The following SYNPR variants were observed in gnomAD, a reference collection of about 807,000 sequenced individuals.
SYNPR encodes synaptoporin.
A neutral mutation model predicts 32.9 loss-of-function variants in SYNPR; 23 were observed. The observed-to-expected ratio is 0.70, with a 90% confidence interval of 0.50 to 0.99. The LOEUF is 0.99. Among genes scored for constraint, SYNPR ranks in the 50% least tolerant of loss-of-function variants. The pLI is 0.00. For synonymous variants in SYNPR, 146 were observed against 135.9 expected, an observed-to-expected ratio of 1.07 and a Z score of -0.52; for missense variants, 318 against 349.3, an observed-to-expected ratio of 0.91 and a Z score of 0.71.
chr3:63,432,111 T>C (rs888974411), intron 2 of SYNPR, among the ~76,000 whole-genome samples: 3 of 152,212 alleles, frequency 2.0e-5, no homozygotes. Context: ...ATAATACCTC[T>C]GAAGCATGTT....
At chr3:63,281,309 A>C (rs572035087) in intron 2 of SYNPR, among the ~76,000 whole-genome samples, 6 of 152,370 alleles carry the variant, frequency 3.9e-5, no homozygotes, top group South Asian at 2.1e-4. Context: ...AGTTTTACAA[A>C]GCAATGGAGA....
intron 2 of SYNPR, among the ~76,000 whole-genome samples, chr3:63,348,699 T>G (rs1333255580): frequency 1.3e-5 from 2 of 152,218 alleles, no homozygotes; most frequent in Non-Finnish European, 2.9e-5. Flanking sequence ...TTCAATTCGT[T>G]TTTTATAGGG....
chr3:63,477,427 T>A lies in SYNPR; in HGVS notation c.85-3405T>A, dbSNP rs547813670. On this transcript the variant is annotated intron_variant, in intron 2 of 5. Coordinates refer to ENST00000478300, the MANE Select transcript of SYNPR (RefSeq NM_001130003.2). ...TATAGTATGATTTCCCTTTAAGCAG[T>A]TGTCATGCTCAGGGTCAGGTTCCTG... 2.2e-3 allele frequency among the ~76,000 whole-genome samples: 335 copies of A among 152,282 alleles called. 3 individuals are homozygous for A. The highest frequency in any genetic ancestry group is 7.3e-3 in the African/African-American group (305 of 41,562).
chr3:63,231,442 C>T (rs953302867), intron 1 of SYNPR, among the ~76,000 whole-genome samples: 42 of 152,188 alleles, frequency 2.8e-4, no homozygotes, highest in African/African-American at 9.6e-4. Context: ...CTCATCTGTA[C>T]ACCAAAAACC....
chr3:63,596,586 C>T (rs779628163), intron 4 of SYNPR, among the ~76,000 whole-genome samples: 3 of 152,050 alleles, frequency 2.0e-5, no homozygotes, highest in Non-Finnish European at 4.4e-5. Flanking sequence ...CCCAAGCCTC[C>T]CTTTGGTCAC....
At chr3:63,518,206 C>T (rs2106766834) in intron 3 of SYNPR, among the ~76,000 whole-genome samples, 1 of 152,268 alleles carries the variant, frequency 6.6e-6, no homozygotes, top group East Asian at 1.9e-4. Flanking sequence ...GAAGAAGAGG[C>T]AGAGGGGGAG....
At chr3:63,344,792 C>T (rs1014508451) in intron 2 of SYNPR, among the ~76,000 whole-genome samples, 1 of 151,804 alleles carries the variant, frequency 6.6e-6, no homozygotes, top group Non-Finnish European at 1.5e-5. Context: ...CACAGAGCTC[C>T]GAGGCTAGGG....
At chr3:63,564,658 C>T (rs1702751770) in intron 4 of SYNPR, among the ~76,000 whole-genome samples, 1 of 152,236 alleles carries the variant, frequency 6.6e-6, no homozygotes, top group Non-Finnish European at 1.5e-5. Flanking sequence ...CAGATGAAGG[C>T]AAATACATTA....
intron 2 of SYNPR, among the ~76,000 whole-genome samples, chr3:63,421,807 C>T (rs371071307): frequency 6.6e-6 from 1 of 152,222 alleles, no homozygotes; most frequent in Admixed American, 6.5e-5. Flanking sequence ...GCCCCACACT[C>T]CTACAGGCCC....
Position 63,232,082 on chromosome 3 carries a change from A to T in SYNPR, n.66+3702A>T, listed in dbSNP as rs559748144. Among the ~76,000 whole-genome samples, 3 of 151,846 alleles carry T rather than the reference A, an allele frequency of 2.0e-5. No individual in the cohort carries two copies. In the South Asian group the frequency reaches 6.2e-4, roughly 32 times the overall value. On this transcript the variant is annotated intron_variant and non_coding_transcript_variant, in intron 1 of 4. Coordinates refer to the SYNPR transcript ENST00000478456. The stretch of plus-strand genomic sequence containing the variant: ...AATACAGTGGAAAAAAGCACAGGAG[A>T]TATGAGGTACTTCATCTGCAGGAGG...
At chr3:63,612,580 T>G (rs917293724) in intron 5 of SYNPR, among the ~76,000 whole-genome samples, 4 of 152,112 alleles carry the variant, frequency 2.6e-5, no homozygotes, top group African/African-American at 9.7e-5. Context: ...CTTACCCCAA[T>G]TTCAGTTCCA....
At chr3:63,446,537 T>C (rs1281846243) in intron 2 of SYNPR, among the ~76,000 whole-genome samples, 1 of 152,070 alleles carries the variant, frequency 6.6e-6, no homozygotes, top group Non-Finnish European at 1.5e-5. Context: ...AGGGGGAAAA[T>C]GCAACTGACA....
At chr3:63,470,085 AC>A (rs1207662552) in intron 2 of SYNPR, among the ~76,000 whole-genome samples, 1 of 152,210 alleles carries the variant, frequency 6.6e-6, no homozygotes, top group African/African-American at 2.4e-5. Context: ...AATAACTAAA[AC>A]CGAGATTCTG....
intron 4 of SYNPR, among the ~76,000 whole-genome samples, chr3:63,581,970 A>G (rs1012865370): frequency 1.3e-5 from 2 of 152,086 alleles, no homozygotes; most frequent in Middle Eastern, 3.2e-3. Context: ...AATCATCAAA[A>G]CAGTACTTGC....
intron 2 of SYNPR, among the ~76,000 whole-genome samples, chr3:63,373,829 G>A (rs1021326755): frequency 1.3e-5 from 2 of 152,218 alleles, no homozygotes; most frequent in African/African-American, 4.8e-5. Context: ...GGCAGCTAGA[G>A]AGAAGGGGCT....
At chr3:63,252,813 G>A (rs1199759117) in intron 2 of SYNPR, among the ~76,000 whole-genome samples, 4 of 152,066 alleles carry the variant, frequency 2.6e-5, no homozygotes, top group African/African-American at 7.2e-5. Flanking sequence ...GGCTGAGGAG[G>A]GCAGATCACC....
chr3:63,599,696 C>T (rs6800517), intron 4 of SYNPR, among the ~76,000 whole-genome samples: 2,216 of 152,228 alleles, frequency 0.015, 51 homozygotes, highest in African/African-American at 0.051. Flanking sequence ...ATGTTAATCT[C>T]CCAGTATAAA....
intron 4 of SYNPR, among the ~76,000 whole-genome samples, chr3:63,570,229 G>A (rs1702862182): frequency 6.6e-6 from 1 of 152,068 alleles, no homozygotes; most frequent in South Asian, 2.1e-4. Flanking sequence ...AGGGGGCCAG[G>A]GAAAGGAAAG....
intron 3 of SYNPR, among the ~76,000 whole-genome samples, chr3:63,525,467 A>G (rs946425372): frequency 6.6e-6 from 1 of 152,176 alleles, no homozygotes; most frequent in Non-Finnish European, 1.5e-5. Context: ...TGCTTTAGAA[A>G]AAGGATGCAA....
Sources: gnomAD v4.1 joint callset for allele counts (sites outside exome capture counted in the v4.1 genomes callset) on GRCh38, gnomAD v4.1.1 for gene constraint, MANE v1.5 for transcripts, NCBI Gene and HGNC (gene_info 2026-07-23, HGNC 2026-07-21) for gene names.